The following PNKD variants were observed in gnomAD, a reference collection of about 807,000 sequenced individuals.
The protein encoded by PNKD is probable thioesterase PNKD.
Under a neutral mutation model 45.3 loss-of-function variants are expected in PNKD, and 36 were observed. The observed-to-expected ratio is 0.80, with a 90% CI of 0.61 to 1.05. PNKD has a LOEUF of 1.05. PNKD is among the 50% of genes least tolerant of loss of function. PNKD has a pLI of 0.00. For synonymous variants in PNKD, 197 were observed against 210.1 expected (o/e 0.94, Z 0.54); for missense variants, 511 against 506.6 (o/e 1.01, Z -0.08).
intron 2 of PNKD, chr2:218,281,824 AGAT>A: frequency 1.1e-6 from 1 of 874,956 alleles, no homozygotes. Context: ...TCAACAGAGA[AGAT>A]GAGAAAGGGA....
At chr2:218,301,557 C>A (rs1319904004) in intron 2 of PNKD, among the ~76,000 whole-genome samples, 2 of 152,116 alleles carry the variant, frequency 1.3e-5, no homozygotes, top group Non-Finnish European at 2.9e-5. Context: ...CAGGCCCAGG[C>A]AGAAGCATGG....
intron 2 of PNKD, among the ~76,000 whole-genome samples, chr2:218,338,020 G>A (rs113023289): frequency 0.084 from 12,797 of 152,072 alleles, 742 homozygotes; most frequent in East Asian, 0.21. Flanking sequence ...GGTGGTGCAC[G>A]CCTCTAGTCC....
intron 2 of PNKD, among the ~76,000 whole-genome samples, chr2:218,327,467 C>T (rs1312995105): frequency 1.3e-5 from 2 of 152,194 alleles, no homozygotes; most frequent in African/African-American, 4.8e-5. Flanking sequence ...CTTTCTGGGG[C>T]CTGTGGGACC....
chr2:218,278,784 C>T (rs1054957386), intron 2 of PNKD, among the ~76,000 whole-genome samples: 2 of 152,230 alleles, frequency 1.3e-5, no homozygotes, highest in Non-Finnish European at 2.9e-5. Context: ...CTGCAGCTGA[C>T]GGGCTGAGAG....
At chr2:218,278,362 A>G in intron 2 of PNKD, 3 of 773,068 alleles carry the variant, frequency 3.9e-6, no homozygotes, top group East Asian at 2.7e-5. Context: ...GGTCCTTTGT[A>G]TACACCTGAA....
intron 2 of PNKD, chr2:218,334,666 T>G (rs1432864191): frequency 2.9e-6 from 2 of 701,600 alleles, no homozygotes; most frequent in African/African-American, 3.5e-5. Flanking sequence ...GAATTATAGA[T>G]TTGCATTTTT....
intron 2 of PNKD, among the ~76,000 whole-genome samples, chr2:218,333,745 G>A (rs1694397541): frequency 6.6e-6 from 1 of 152,096 alleles, no homozygotes; most frequent in Non-Finnish European, 1.5e-5. Flanking sequence ...AATGAAGACA[G>A]GAATGGGACT....
At chr2:218,327,220 A>G (rs1694178563) in intron 2 of PNKD, 1 of 152,172 alleles carries the variant, frequency 6.6e-6, no homozygotes, top group Admixed American at 6.5e-5. Context: ...TAGGCATAGA[A>G]GGTCCTTCCT....
rs1694795677 is a variant in PNKD at position 218,345,068 on chromosome 2, C to A, written c.*87C>A. The A allele has an allele frequency of 1.9e-6, 2 of 1,041,182 alleles. No homozygotes were observed. Among genetic ancestry groups the A allele is most frequent in the Non-Finnish European group, 2.8e-6 (2 of 704,588 alleles). 64.5% of individuals were successfully genotyped at this position (1,041,182 alleles called of 1,614,324 possible). A position where few individuals can be genotyped will look rare whatever the true frequency, so the allele number is the denominator to read the frequency against. ...TCATCATCCTTCTCATCGCTAACAC[C>A]ACCACCTCCATCGGCACCCAAGCGG... On this transcript the variant is annotated 3_prime_UTR_variant, in exon 10 of 10. Transcript: ENST00000273077.
intron 2 of PNKD, chr2:218,281,895 T>G: frequency 6.7e-7 from 1 of 1,499,288 alleles, no homozygotes; most frequent in Non-Finnish European, 9.1e-7. Context: ...CTGCTCCAAG[T>G]GCTGTCCCTC....
rs1313073995 is a variant in PNKD, at chr2:218,315,052, T to TCC, written c.237-24731_237-24730insCC. Among the ~76,000 whole-genome samples, 100 of 99,422 alleles carry TCC rather than the reference T, an allele frequency of 1.0e-3. 1 individual carries two copies. The highest frequency in any genetic ancestry group is 6.2e-3 in the South Asian group (14 of 2,260). The allele number at this position is 99,422 out of a possible 152,430, so 65.2% of individuals were successfully genotyped here. A position where few individuals can be genotyped will look rare whatever the true frequency, so the allele number is the denominator to read the frequency against. ...TCTTTCTTTCTTTTTCTTTCTTTCT[T>TCC]TCTTTCTTCCTTCCTTCCTTCCTTT... On this transcript the variant is annotated intron_variant, in intron 2 of 9. Transcript: ENST00000273077.
chr2:218,310,946 T>C (rs899895084), intron 2 of PNKD, among the ~76,000 whole-genome samples: 71 of 152,304 alleles, frequency 4.7e-4, no homozygotes, highest in African/African-American at 1.6e-3. Flanking sequence ...TGTGTTGTAA[T>C]TGCCTACAGC....
At chr2:218,328,603 G>T (rs1295513902) in intron 2 of PNKD, among the ~76,000 whole-genome samples, 1 of 152,150 alleles carries the variant, frequency 6.6e-6, no homozygotes, top group Non-Finnish European at 1.5e-5. Flanking sequence ...TCCTAAGTAT[G>T]ACTGGGTTTT....
At chr2:218,329,485 A>T (rs554810250) in intron 2 of PNKD, among the ~76,000 whole-genome samples, 1 of 152,372 alleles carries the variant, frequency 6.6e-6, no homozygotes, top group South Asian at 2.1e-4. Flanking sequence ...GGCTGAGACC[A>T]TGGAGAGGCC....
chr2:218,323,167 C>T (rs1694038489), intron 2 of PNKD: 5 of 1,362,664 alleles, frequency 3.7e-6, no homozygotes, highest in Non-Finnish European at 4.7e-6. Flanking sequence ...ACAACGCCCC[C>T]ACGTCCAGAG....
intron 2 of PNKD, among the ~76,000 whole-genome samples, chr2:218,315,396 C>T (rs1318472566): frequency 6.6e-6 from 1 of 151,040 alleles, no homozygotes; most frequent in African/African-American, 2.4e-5. Context: ...CCACCTCGGC[C>T]TCCACCCGCC....
At chr2:218,337,363 G>A (rs1311437516) in intron 2 of PNKD, among the ~76,000 whole-genome samples, 3 of 152,104 alleles carry the variant, frequency 2.0e-5, no homozygotes, top group Non-Finnish European at 4.4e-5. Context: ...ATGAGCCACC[G>A]CGCCCGGCCT....
In PNKD at chr2:218,326,148, C is replaced by T. The variant is rs980247487; in HGVS notation, c.237-13635C>T. Among the ~76,000 whole-genome samples the T allele has an allele frequency of 6.6e-6, 1 of 151,702 alleles. No homozygotes were observed. The highest frequency in any genetic ancestry group is 1.5e-5 in the Non-Finnish European group (1 of 67,966). ...AACCTGAAGGTGTGGCTGGGAGGAT[C>T]GCAAATAGAGGATTCTACTGGGGGT... On this transcript the variant is annotated intron_variant, in intron 2 of 9. Transcript: ENST00000273077. This position sits in a 1 kb window ranked among gnomAD's most constrained non-coding sequence, Gnocchi z 4.1.
chr2:218,328,516 CTG>C (rs765641124), intron 2 of PNKD, among the ~76,000 whole-genome samples: 2 of 152,178 alleles, frequency 1.3e-5, no homozygotes, highest in Non-Finnish European at 2.9e-5. Context: ...TTGTTCAAGA[CTG>C]TATCCCAGAT....
Sources: allele counts gnomAD v4.1 joint callset (sites outside exome capture counted in the v4.1 genomes callset), GRCh38; gene constraint gnomAD v4.1.1; non-coding constraint Gnocchi (gnomAD v3.1); transcripts MANE v1.5; gene names NCBI Gene and HGNC (gene_info 2026-07-23, HGNC 2026-07-21).